The following SLC6A20 variants were observed in gnomAD, a reference collection of about 807,000 sequenced individuals.
The protein encoded by SLC6A20 is solute carrier family 6 member 20.
A neutral mutation model predicts 64.3 loss-of-function variants in SLC6A20; 73 were observed. The observed-to-expected ratio is 1.14, with a 90% CI of 0.94 to 1.38. SLC6A20 has a LOEUF of 1.38. Ranked by LOEUF, SLC6A20 falls within the 40% of genes most tolerant of loss-of-function variation. SLC6A20 has a pLI of 0.00. For synonymous variants in SLC6A20, 347 were observed against 329.6 expected, an observed-to-expected ratio of 1.05 and a Z score of -0.57; for missense variants, 725 against 772.8, an observed-to-expected ratio of 0.94 and a Z score of 0.73.
chr3:45,763,106 G>A (rs762409726), intron 8 of SLC6A20, 34 bp from the exon 9 acceptor site: 34 of 1,611,614 alleles, frequency 2.1e-5, no homozygotes, highest in African/African-American at 2.7e-5. Context: ...TCACCTGCCC[G>A]AGACCCCCCC....
Position 45,757,126 on chromosome 3 carries a change from A to G in SLC6A20, c.*1852T>C, listed in dbSNP as rs969728921. 4 of 151,924 alleles carry G rather than the reference A, an allele frequency of 2.6e-5. No individual in the cohort carries two copies. The highest frequency in any genetic ancestry group is 5.9e-5 in the Non-Finnish European group (4 of 68,004). 9.4% of individuals were successfully genotyped at this position (151,924 alleles called of 1,614,324 possible). A position where few individuals can be genotyped will look rare whatever the true frequency, so the allele number is the denominator to read the frequency against. On this transcript the variant is annotated 3_prime_UTR_variant, in exon 11 of 11. Transcript: ENST00000358525. Reference sequence around the variant, plus strand: ...AACAGAGCAGTATTGCTGCCAGCATATCTCACCTCCAGCCACAGGGCGGTT... The same window carrying G: ...AACAGAGCAGTATTGCTGCCAGCATGTCTCACCTCCAGCCACAGGGCGGTT...
At chr3:45,794,795 A>C (rs58386358) in intron 1 of SLC6A20, among the ~76,000 whole-genome samples, 3,177 of 152,300 alleles carry the variant, frequency 0.021, 118 homozygotes, top group African/African-American at 0.072. Flanking sequence ...TGGAAATCTC[A>C]TTCTGACAAA....
intron 1 of SLC6A20, among the ~76,000 whole-genome samples, chr3:45,784,026 C>T (rs1700136643): frequency 6.6e-6 from 1 of 152,210 alleles, no homozygotes; most frequent in African/African-American, 2.4e-5. Flanking sequence ...ATAAGATAAT[C>T]CTGTTTTTAC....
At chr3:45,779,776 A>G (rs989419083) in intron 3 of SLC6A20, among the ~76,000 whole-genome samples, 3 of 152,340 alleles carry the variant, frequency 2.0e-5, no homozygotes, top group African/African-American at 2.4e-5. Flanking sequence ...AAGAACACGC[A>G]CACTCTCACC....
In SLC6A20 at chr3:45,758,266, A is replaced by G. The variant is rs763822814; in HGVS notation, c.*712T>C. ...ACAGTGGCTCCTGACTCCTTTTCCA[A>G]TGCACCAAGACACACACCACGGAGG... On this transcript the variant is annotated 3_prime_UTR_variant, in exon 11 of 11. Transcript: ENST00000358525. The G allele has an allele frequency of 1.4e-5, 5 of 347,676 alleles. No individual in the cohort carries two copies. The highest frequency in any genetic ancestry group is 2.0e-5 in the Non-Finnish European group (4 of 196,148). 21.5% of individuals were successfully genotyped at this position (347,676 alleles called of 1,614,324 possible). A position where few individuals can be genotyped will look rare whatever the true frequency, so the allele number is the denominator to read the frequency against.
intron 3 of SLC6A20, among the ~76,000 whole-genome samples, chr3:45,778,734 C>T (rs936429689): frequency 3.3e-5 from 5 of 152,172 alleles, no homozygotes; most frequent in African/African-American, 2.4e-5. Flanking sequence ...CCCAACCATA[C>T]ATGAGCCCTG....
chr3:45,796,381 C>A lies in SLC6A20; in HGVS notation c.39G>T (p.Gln13His). The change falls in exon 1 of 11, where the codon CAG becomes CAT. Residue 13 changes from glutamine (Q) to histidine (H), a missense_variant. Physicochemically the swap from Gln to His is conservative, Grantham distance 24. Coordinates refer to ENST00000358525, the MANE Select transcript of SLC6A20 (RefSeq NM_020208.4). Reference protein sequence around the residue: ...KARPLWANSLQFVFACISYAV... With the variant: ...KARPLWANSLHFVFACISYAV... ...CGTACGAGATGCAGGCGAACACGAA[C>A]TGTAGCGAGTTGGCCCACAGCGGCC... 1 of 1,613,042 alleles carries A rather than the reference C, an allele frequency of 6.2e-7. No individual in the cohort carries two copies.
At chr3:45,780,304 C>T (rs1458950804) in intron 2 of SLC6A20, among the ~76,000 whole-genome samples, 2 of 152,222 alleles carry the variant, frequency 1.3e-5, no homozygotes, top group African/African-American at 4.8e-5. Context: ...CTCCAACCTC[C>T]CTCCTCACCT....
At position 45,763,004 on chromosome 3, in the gene SLC6A20, C is replaced by G. The variant is rs764578761; in HGVS notation, c.1372G>C (p.Asp458His). 6.2e-6 allele frequency: 10 copies of G among 1,614,030 alleles called. No individual in the cohort carries two copies. In the East Asian group the frequency reaches 2.0e-4, roughly 32 times the overall value. The change falls in exon 9 of 11, where the codon GAC becomes CAC. Residue 458 changes from aspartate (D) to histidine (H), a missense_variant. Asp to His is a moderately conservative substitution (Grantham distance 81). Coordinates refer to ENST00000358525, the MANE Select transcript of SLC6A20 (RefSeq NM_020208.4). Reference protein sequence around the residue: ...FTMEAGNYWFDIFNDYAATLS... With the variant: ...FTMEAGNYWFHIFNDYAATLS... The stretch of plus-strand genomic sequence containing the variant: ...GTGGCCGCGTAGTCGTTGAATATGT[C>G]AAACCAGTAGTTCCCAGCCTCCATC...
At chr3:45,787,365 C>G (rs972024252) in intron 1 of SLC6A20, among the ~76,000 whole-genome samples, 27 of 152,254 alleles carry the variant, frequency 1.8e-4, no homozygotes, top group Non-Finnish European at 3.8e-4. Flanking sequence ...TCTGTCCACC[C>G]TCACTAGAAC....
chr3:45,785,647 T>TCTCTC (rs1553664469), intron 1 of SLC6A20, among the ~76,000 whole-genome samples: 1 of 83,322 alleles, frequency 1.2e-5, no homozygotes, highest in Non-Finnish European at 2.5e-5. Context: ...CTCTCTCTCT[T>TCTCTC]CCCCCTATTA....
chr3:45,791,395 A>G (rs72893650), intron 1 of SLC6A20, among the ~76,000 whole-genome samples: 3,423 of 152,260 alleles, frequency 0.022, 120 homozygotes, highest in African/African-American at 0.076. Context: ...AAGCATCAGT[A>G]TTTTTTAAAG....
intron 9 of SLC6A20, among the ~76,000 whole-genome samples, chr3:45,760,936 G>T (rs1329842379): frequency 6.6e-6 from 1 of 152,172 alleles, no homozygotes; most frequent in Non-Finnish European, 1.5e-5. Flanking sequence ...CTTTAAACCT[G>T]CTCCCTACAG....
At chr3:45,762,182 T>G (rs1343914186) in intron 9 of SLC6A20, among the ~76,000 whole-genome samples, 2 of 152,218 alleles carry the variant, frequency 1.3e-5, no homozygotes, top group African/African-American at 4.8e-5. Context: ...ACGAGCGCCT[T>G]GTTGCTGCTG....
In SLC6A20 at chr3:45,765,336, T is replaced by A. The variant is rs1308174536; in HGVS notation, c.1303+201A>T. ...GGGTGGCCACTTCACTTCCCTGTGA[T>A]GTGGAGAATGGAACGCACAGGGTGA... On this transcript the variant is annotated intron_variant, in intron 8 of 10. Transcript: ENST00000358525. This position sits in a 1 kb window ranked among gnomAD's most constrained non-coding sequence, Gnocchi z 4.2. Among the ~76,000 whole-genome samples the A allele has an allele frequency of 6.6e-6, 1 of 152,128 alleles. No homozygotes were observed. The highest frequency in any genetic ancestry group is 1.9e-4 in the East Asian group (1 of 5,202).
Position 45,765,153 on chromosome 3 carries a change from C to T in SLC6A20, c.1303+384G>A, listed in dbSNP as rs1352313354. Among the ~76,000 whole-genome samples, 1 of 152,138 alleles carries T rather than the reference C, an allele frequency of 6.6e-6. No homozygotes were observed. Among genetic ancestry groups the T allele is most frequent in the African/African-American group, 2.4e-5 (1 of 41,422 alleles). On this transcript the variant is annotated intron_variant, in intron 8 of 10. Coordinates refer to ENST00000358525, the MANE Select transcript of SLC6A20 (RefSeq NM_020208.4). This position sits in a 1 kb window ranked among gnomAD's most constrained non-coding sequence, Gnocchi z 4.2. ...ACTTGAACCTGGGAGATGGAGGTTG[C>T]AGTGAGCCAAGATCACGCCACTGAA...
chr3:45,792,803 C>A (rs1424222248), intron 1 of SLC6A20, among the ~76,000 whole-genome samples: 1 of 152,208 alleles, frequency 6.6e-6, no homozygotes, highest in African/African-American at 2.4e-5. Flanking sequence ...TCAAGGTAAT[C>A]TGCAAATTCT....
At chr3:45,763,210 T>G in intron 8 of SLC6A20, 138 bp from the exon 9 acceptor site, 1 of 1,311,536 alleles carries the variant, frequency 7.6e-7, no homozygotes, top group East Asian at 2.5e-5. Context: ...GAAAGAGCTG[T>G]CATGGTTTGG....
Position 45,758,654 on chromosome 3 carries a change from A to G in SLC6A20, c.*324T>C. The stretch of plus-strand genomic sequence containing the variant: ...AAAATTGCTTAAATTTGGTCCCATA[A>G]GAATTATAGTCATATTTCAGTTTGC... On this transcript the variant is annotated 3_prime_UTR_variant, in exon 11 of 11. Transcript: ENST00000358525. 3 of 1,147,858 alleles carry G rather than the reference A, an allele frequency of 2.6e-6. No individual in the cohort carries two copies. Among genetic ancestry groups the G allele is most frequent in the Non-Finnish European group, 3.2e-6 (3 of 929,864 alleles). 71.1% of individuals were successfully genotyped at this position (1,147,858 alleles called of 1,614,324 possible).
Sources: allele counts gnomAD v4.1 joint callset (sites outside exome capture counted in the v4.1 genomes callset), GRCh38; gene constraint gnomAD v4.1.1; non-coding constraint Gnocchi (gnomAD v3.1); transcripts MANE v1.5; gene names NCBI Gene and HGNC (gene_info 2026-07-23, HGNC 2026-07-21).